ATRNL1: variants seen among roughly 807,000 people sequenced by gnomAD.
The protein encoded by ATRNL1 is attractin like 1, also known as attractin-like protein 1.
ATRNL1 carries 95 observed loss-of-function variants against 182.7 expected under a neutral mutation model. That is an observed-to-expected ratio of 0.52 (90% CI 0.44 to 0.62). The LOEUF (loss-of-function observed/expected upper bound fraction) is 0.62, where lower values mean the gene tolerates loss of function less well. ATRNL1 is among the 20% of genes least tolerant of loss of function. The probability of loss-of-function intolerance (pLI) is 0.00; values close to 1 mark genes in which losing one functional copy is unlikely to be tolerated. For missense variants in ATRNL1, 1,471 were observed against 1,679.5 expected (o/e 0.88, Z 2.17); for synonymous variants, 576 against 568.3 (o/e 1.01, Z -0.19).
chr10:115,630,317 A>G (rs1299051768), intron 26 of ATRNL1, among the ~76,000 whole-genome samples: 1 of 152,142 alleles, frequency 6.6e-6, no homozygotes. Flanking sequence ...ATGAGATATT[A>G]TCTTACATCT....
At chr10:115,324,134 C>T (rs993970812) in intron 18 of ATRNL1, among the ~76,000 whole-genome samples, 2 of 151,880 alleles carry the variant, frequency 1.3e-5, no homozygotes, top group East Asian at 3.9e-4. Flanking sequence ...TTTTTTTAAT[C>T]TCCTGGTTTT....
chr10:115,834,402 T>C (rs1950623552), intron 27 of ATRNL1, among the ~76,000 whole-genome samples: 1 of 152,198 alleles, frequency 6.6e-6, no homozygotes, highest in Non-Finnish European at 1.5e-5. Flanking sequence ...TCCCTAAGTT[T>C]AGTATATATG....
chr10:115,211,282 A>G (rs1328173081), intron 8 of ATRNL1, among the ~76,000 whole-genome samples: 1 of 151,296 alleles, frequency 6.6e-6, no homozygotes, highest in Non-Finnish European at 1.5e-5. Flanking sequence ...TTCCCTCTTA[A>G]TTCCTGAAGG....
At chr10:115,241,347 A>C (rs540331493) in intron 9 of ATRNL1, among the ~76,000 whole-genome samples, 1 of 151,750 alleles carries the variant, frequency 6.6e-6, no homozygotes, top group East Asian at 1.9e-4. Flanking sequence ...ATTCTTTTTG[A>C]TATTGTGTCT....
intron 26 of ATRNL1, among the ~76,000 whole-genome samples, chr10:115,631,291 CTATG>C (rs1192445210): frequency 6.6e-6 from 1 of 151,840 alleles, no homozygotes; most frequent in African/African-American, 2.4e-5. Flanking sequence ...CTGTAGTTCA[CTATG>C]TATATGTATA....
intron 26 of ATRNL1, among the ~76,000 whole-genome samples, chr10:115,573,685 A>G (rs1854540391): frequency 1.3e-5 from 2 of 152,174 alleles, no homozygotes; most frequent in South Asian, 4.1e-4. Flanking sequence ...CAAGATAAAT[A>G]GGTAACACAA....
chr10:115,630,827 T>TACAC (rs199640218), intron 26 of ATRNL1, among the ~76,000 whole-genome samples: 5,958 of 129,698 alleles, frequency 0.046, 156 homozygotes, highest in Non-Finnish European at 0.059. Context: ...ATATGTATTA[T>TACAC]ACACACACAC....
chr10:115,549,672 C>A, intron 26 of ATRNL1, 136 bp downstream of exon 26: 1 of 516,826 alleles, frequency 1.9e-6, no homozygotes. Flanking sequence ...AAAAATCACT[C>A]TAGTATTTTT....
chr10:115,646,630 C>CTTT (rs57206126), intron 26 of ATRNL1, among the ~76,000 whole-genome samples: 1 of 143,878 alleles, frequency 7.0e-6, no homozygotes, highest in Non-Finnish European at 1.5e-5. Flanking sequence ...TTCTTTTTTT[C>CTTT]TTTTTTTTTT....
At chr10:115,163,491 G>A (rs1243904302) in intron 6 of ATRNL1, among the ~76,000 whole-genome samples, 2 of 151,946 alleles carry the variant, frequency 1.3e-5, no homozygotes, top group East Asian at 1.9e-4. Flanking sequence ...AGCCTCCTGA[G>A]TAGCTGGGAT....
At chr10:115,498,464 A>G (rs1849659313) in intron 24 of ATRNL1, among the ~76,000 whole-genome samples, 1 of 151,940 alleles carries the variant, frequency 6.6e-6, no homozygotes, top group Non-Finnish European at 1.5e-5. Flanking sequence ...CTATGATGCC[A>G]TTTTTTTATG....
intron 21 of ATRNL1, among the ~76,000 whole-genome samples, chr10:115,437,479 A>T (rs1846455935): frequency 6.6e-6 from 1 of 152,024 alleles, no homozygotes; most frequent in Admixed American, 6.6e-5. Flanking sequence ...AGCTATCTGT[A>T]AAATATCATT....
chr10:115,365,201 C>T (rs1421542537), intron 19 of ATRNL1, among the ~76,000 whole-genome samples: 4 of 152,066 alleles, frequency 2.6e-5, no homozygotes, highest in South Asian at 2.1e-4. Flanking sequence ...TTTCAGCTCC[C>T]GTTATTGGTC....
chr10:115,609,820 T>C (rs937408122), intron 26 of ATRNL1, among the ~76,000 whole-genome samples: 14 of 152,286 alleles, frequency 9.2e-5, no homozygotes, highest in Non-Finnish European at 1.8e-4. Flanking sequence ...GTGAAATATC[T>C]GGCGTCCATA....
chr10:115,146,041 G>A (rs911931321), intron 5 of ATRNL1, among the ~76,000 whole-genome samples: 9 of 151,334 alleles, frequency 5.9e-5, no homozygotes, highest in Non-Finnish European at 8.8e-5. Context: ...ATACTGTTAG[G>A]GTGTGTTTTT....
chr10:115,641,572 C>G (rs1859250744), intron 26 of ATRNL1, among the ~76,000 whole-genome samples: 1 of 152,130 alleles, frequency 6.6e-6, no homozygotes, highest in African/African-American at 2.4e-5. Context: ...AAACTAGACT[C>G]CACAGATAGA....
intron 8 of ATRNL1, among the ~76,000 whole-genome samples, chr10:115,173,583 A>C (rs1034389459): frequency 5.4e-4 from 82 of 151,868 alleles, no homozygotes; most frequent in Non-Finnish European, 9.9e-4. Flanking sequence ...TTAAAGTGTT[A>C]GTGTATTTTT....
intron 26 of ATRNL1, among the ~76,000 whole-genome samples, chr10:115,628,156 A>C (rs922778036): frequency 6.6e-6 from 1 of 151,802 alleles, no homozygotes; most frequent in Non-Finnish European, 1.5e-5. Flanking sequence ...CAAAAAAAAA[A>C]AAAAGAAAGA....
chr10:115,230,257 A>G (rs951379981), intron 9 of ATRNL1, among the ~76,000 whole-genome samples: 3 of 152,202 alleles, frequency 2.0e-5, no homozygotes, highest in African/African-American at 7.2e-5. Flanking sequence ...AATAAGTGCT[A>G]TGAAGAGAAA....
Sources: gnomAD v4.1 joint callset for allele counts (sites outside exome capture counted in the v4.1 genomes callset) on GRCh38, gnomAD v4.1.1 for gene constraint, MANE v1.5 for transcripts, NCBI Gene and HGNC (gene_info 2026-07-23, HGNC 2026-07-21) for gene names.